Variants in FRYL observed in about 807,000 individuals in gnomAD.
The protein encoded by FRYL is FRY like transcription coactivator, also known as protein furry homolog-like.
In FRYL, 150 loss-of-function variants were observed where a neutral mutation model predicts 351.2. The ratio of observed to expected loss-of-function variants is 0.43; its 90% CI spans 0.37 to 0.49. The LOEUF is 0.49. Among genes scored for constraint, FRYL ranks in the 20% least tolerant of loss-of-function variants. The pLI is 0.00. For synonymous variants in FRYL, 1,153 were observed against 1,257.1 expected (o/e 0.92, Z 1.75); for missense variants, 3,036 against 3,619.3 (o/e 0.84, Z 4.13).
chr4:48,727,942 T>A (rs1770267730), intron 1 of FRYL, among the ~76,000 whole-genome samples: 1 of 152,142 alleles, frequency 6.6e-6, no homozygotes, highest in African/African-American at 2.4e-5. Flanking sequence ...GAAGCACTTG[T>A]GAAGCTGATA....
chr4:48,696,879 T>C (rs1410334390), intron 2 of FRYL, among the ~76,000 whole-genome samples: 1 of 151,538 alleles, frequency 6.6e-6, no homozygotes, highest in Non-Finnish European at 1.5e-5. Flanking sequence ...TATCTATCTA[T>C]CTATCTATCT....
intron 47 of FRYL, among the ~76,000 whole-genome samples, chr4:48,537,273 TGGAATA>T (rs1460683313): frequency 1.3e-5 from 2 of 152,190 alleles, no homozygotes; most frequent in African/African-American, 4.8e-5. Context: ...GAAAATTCCT[TGGAATA>T]TCTGCTGTGC....
intron 1 of FRYL, among the ~76,000 whole-genome samples, chr4:48,716,990 G>T (rs1768916093): frequency 6.6e-6 from 1 of 150,798 alleles, no homozygotes; most frequent in Admixed American, 6.7e-5. Context: ...GATGAAATTG[G>T]AAATCATCAT....
chr4:48,739,175 T>G (rs532386233), intron 1 of FRYL, among the ~76,000 whole-genome samples: 19 of 151,990 alleles, frequency 1.3e-4, no homozygotes, highest in Admixed American at 1.0e-3. Flanking sequence ...CCCAGGCAGG[T>G]GGATCACTTG....
intron 19 of FRYL, among the ~76,000 whole-genome samples, chr4:48,585,620 C>T (rs566200748): frequency 9.2e-5 from 14 of 152,268 alleles, no homozygotes; most frequent in African/African-American, 2.9e-4. Flanking sequence ...CTTATTGGAA[C>T]GCAGTCATGC....
intron 3 of FRYL, among the ~76,000 whole-genome samples, chr4:48,671,881 A>AAC (rs1762811637): frequency 6.7e-6 from 1 of 148,698 alleles, no homozygotes; most frequent in Non-Finnish European, 1.5e-5. Flanking sequence ...AACAAAAAAA[A>AAC]AAAAAAAAAA....
At chr4:48,672,266 T>C (rs1762873346) in intron 3 of FRYL, among the ~76,000 whole-genome samples, 1 of 152,218 alleles carries the variant, frequency 6.6e-6, no homozygotes, top group African/African-American at 2.4e-5. Flanking sequence ...CAGCTTAGTC[T>C]GGATGGAAGT....
intron 3 of FRYL, among the ~76,000 whole-genome samples, chr4:48,665,889 T>C (rs944629076): frequency 6.6e-5 from 10 of 152,220 alleles, no homozygotes; most frequent in African/African-American, 2.4e-4. Context: ...AAATTGTCAG[T>C]AGTAAACTAC....
At chr4:48,632,120 A>G (rs1298317974) in intron 4 of FRYL, among the ~76,000 whole-genome samples, 5 of 127,752 alleles carry the variant, frequency 3.9e-5, no homozygotes, top group Non-Finnish European at 8.2e-5. Flanking sequence ...ATATATATAT[A>G]TATATATATG....
At chr4:48,683,657 A>C (rs1764888987) in intron 3 of FRYL, among the ~76,000 whole-genome samples, 1 of 152,210 alleles carries the variant, frequency 6.6e-6, no homozygotes, top group South Asian at 2.1e-4. Flanking sequence ...AAAGTCAAGT[A>C]AAAGACATAA....
chr4:48,748,552 CACATGTTA>C (rs1273141334), intron 1 of FRYL, among the ~76,000 whole-genome samples: 10 of 152,190 alleles, frequency 6.6e-5, no homozygotes, highest in South Asian at 2.1e-4. Context: ...ACACGGAAGA[CACATGTTA>C]ACTACATCAG....
At chr4:48,573,055 AG>A in intron 26 of FRYL, 130 bp downstream of exon 26, 1 of 614,380 alleles carries the variant, frequency 1.6e-6, no homozygotes, top group South Asian at 2.3e-5. Flanking sequence ...TTCTGCGGGG[AG>A]GGGAAGTGTC....
intron 40 of FRYL, among the ~76,000 whole-genome samples, 180 bp from the exon 41 acceptor site, chr4:48,547,949 T>A (rs541700682): frequency 3.9e-5 from 6 of 152,188 alleles, no homozygotes; most frequent in African/African-American, 1.4e-4. Flanking sequence ...TACTGTCTTA[T>A]AGTACTAGGG....
chr4:48,613,492 T>G (rs1363385209), intron 7 of FRYL, among the ~76,000 whole-genome samples: 1 of 152,202 alleles, frequency 6.6e-6, no homozygotes, highest in Admixed American at 6.5e-5. Flanking sequence ...TGCTATGTGC[T>G]CTTTGTTGCC....
At chr4:48,652,359 A>G (rs1463767788) in intron 3 of FRYL, among the ~76,000 whole-genome samples, 1 of 152,238 alleles carries the variant, frequency 6.6e-6, no homozygotes, top group East Asian at 1.9e-4. Flanking sequence ...GGGAAACAGT[A>G]CTGAGAGAAA....
chr4:48,746,118 G>A (rs911695115), intron 1 of FRYL, among the ~76,000 whole-genome samples: 2 of 152,146 alleles, frequency 1.3e-5, no homozygotes, highest in African/African-American at 2.4e-5. Flanking sequence ...AAGCACCTCC[G>A]TGCGTGAACA....
At chr4:48,750,213 C>T (rs1213528651) in intron 1 of FRYL, among the ~76,000 whole-genome samples, 2 of 150,714 alleles carry the variant, frequency 1.3e-5, no homozygotes, top group Non-Finnish European at 2.9e-5. Flanking sequence ...ATAATACTAG[C>T]ACTCTGGGAG....
chr4:48,590,541 T>A, intron 17 of FRYL, 118 bp downstream of exon 17: 1 of 680,748 alleles, frequency 1.5e-6, no homozygotes. Flanking sequence ...TTTGTATGGC[T>A]GTATATACTA....
intron 21 of FRYL, 80 bp from the exon 22 acceptor site, chr4:48,581,031 T>C (rs1740779469): frequency 1.3e-6 from 1 of 784,482 alleles, no homozygotes; most frequent in Admixed American, 3.1e-5. Flanking sequence ...CACTAAAAAT[T>C]CACTTCAGCA....
Sources: allele counts gnomAD v4.1 joint callset (sites outside exome capture counted in the v4.1 genomes callset), GRCh38; gene constraint gnomAD v4.1.1; transcripts MANE v1.5; gene names NCBI Gene and HGNC (gene_info 2026-07-23, HGNC 2026-07-21).